Variants in LMLN observed in about 807,000 individuals in gnomAD.
LMLN encodes leishmanolysin-like peptidase.
LMLN carries 70 observed loss-of-function variants against 92.3 expected under a neutral mutation model. The observed-to-expected ratio is 0.76, with a 90% CI of 0.63 to 0.92. The LOEUF (loss-of-function observed/expected upper bound fraction) is 0.92. LMLN is among the 40% of genes least tolerant of loss of function. The pLI is 0.00. For synonymous variants in LMLN, 308 were observed against 296.2 expected, an observed-to-expected ratio of 1.04 and a Z score of -0.41; for missense variants, 691 against 814.6, an observed-to-expected ratio of 0.85 and a Z score of 1.85.
At chr3:197,970,222 G>C (rs1286018142) in intron 1 of LMLN, among the ~76,000 whole-genome samples, 1 of 152,034 alleles carries the variant, frequency 6.6e-6, no homozygotes, top group African/African-American at 2.4e-5. Flanking sequence ...TACAATTTTT[G>C]CTTTAAATAT....
At chr3:198,023,554 G>T (rs1722839028) in intron 13 of LMLN, among the ~76,000 whole-genome samples, 1 of 152,116 alleles carries the variant, frequency 6.6e-6, no homozygotes, top group Non-Finnish European at 1.5e-5. Context: ...AAGAAGTAAA[G>T]AATTCTGTTT....
exon 16 of LMLN, chr3:198,043,524 C>G (rs1038562206): frequency 5.9e-5 from 9 of 152,548 alleles, no homozygotes; most frequent in African/African-American, 2.2e-4. Flanking sequence ...GTTACTCATT[C>G]TGAAGAAAAG....
chr3:198,005,093 CATCTATACA>C lies in LMLN; in HGVS notation c.1232+5752_1232+5760del. Among the ~76,000 whole-genome samples, 6 of 11,302 alleles carry C rather than the reference CATCTATACA, an allele frequency of 5.3e-4. 3 individuals are homozygous for C. Among genetic ancestry groups the C allele is most frequent in the African/African-American group, 1.1e-3 (6 of 5,244 alleles). The allele number at this position is 11,302 out of a possible 152,430, so 7.4% of individuals were successfully genotyped here. On this transcript the variant is annotated intron_variant, in intron 11 of 15. Coordinates refer to ENST00000330198, the Ensembl canonical transcript of LMLN. ...GTAAGTTTGACATCTATCTATATAT[CATCTATACA>C]GATACATATCATACGTAGTAAGTTT...
intron 14 of LMLN, among the ~76,000 whole-genome samples, chr3:198,027,471 C>T (rs191578244): frequency 1.3e-5 from 2 of 152,040 alleles, no homozygotes; most frequent in Admixed American, 6.6e-5. Context: ...ACATTGCCAC[C>T]GAGCGTCTCA....
intron 9 of LMLN, among the ~76,000 whole-genome samples, chr3:197,993,693 T>C (rs1404776341): frequency 1.3e-5 from 2 of 152,060 alleles, no homozygotes; most frequent in Non-Finnish European, 2.9e-5. Flanking sequence ...GCTATCCCTA[T>C]CAAAATTCCA....
At chr3:198,027,497 C>T (rs1165811984) in intron 14 of LMLN, among the ~76,000 whole-genome samples, 1 of 152,118 alleles carries the variant, frequency 6.6e-6, no homozygotes, top group Non-Finnish European at 1.5e-5. Context: ...TCTGTACTCA[C>T]TAAACAATCC....
chr3:197,976,526 T>C (rs1721385973), intron 4 of LMLN, 72 bp from the exon 5 acceptor site: 3 of 789,564 alleles, frequency 3.8e-6, no homozygotes, highest in Admixed American at 2.5e-5. Flanking sequence ...TACCAGTTGG[T>C]TTCCATGTTT....
intron 11 of LMLN, 71 bp downstream of exon 11, chr3:197,999,413 G>T (rs573992456): frequency 9.3e-7 from 1 of 1,070,124 alleles, no homozygotes; most frequent in Non-Finnish European, 1.4e-6. Flanking sequence ...TATAGCTTAA[G>T]AAAATGCTGA....
intron 10 of LMLN, among the ~76,000 whole-genome samples, chr3:197,997,529 T>G (rs1722061204): frequency 6.6e-6 from 1 of 152,232 alleles, no homozygotes. Context: ...AGGGGTAAAG[T>G]GTACATAGAC....
At chr3:197,993,182 A>T (rs1371905622) in intron 9 of LMLN, among the ~76,000 whole-genome samples, 1 of 152,176 alleles carries the variant, frequency 6.6e-6, no homozygotes, top group Non-Finnish European at 1.5e-5. Context: ...TCTTATACTC[A>T]TTAGTGAAAA....
chr3:198,035,502 A>G (rs1723195420), intron 14 of LMLN, among the ~76,000 whole-genome samples: 2 of 151,280 alleles, frequency 1.3e-5, no homozygotes, highest in South Asian at 4.2e-4. Context: ...AGCTGGGACT[A>G]CAGGTGCATG....
chr3:197,960,258 T>C, exon 1 of LMLN: 9 of 1,611,942 alleles, frequency 5.6e-6, no homozygotes, highest in Non-Finnish European at 7.6e-6. Flanking sequence ...GGCGGCCGAA[T>C]GGGGCGGAGG....
In LMLN at chr3:197,990,685, T is replaced by C. The variant is rs753432753; in HGVS notation, c.1047+9T>C. ...TAACGCCTCGTGTTGTTGTAAGTAT[T>C]ATCAGACTTCATGTCTCATGAGCCA... On this transcript the variant is annotated intron_variant, in intron 9 of 15. Coordinates refer to ENST00000330198, the Ensembl canonical transcript of LMLN. 9 of 1,306,458 alleles carry C rather than the reference T, an allele frequency of 6.9e-6. No homozygotes were observed. The highest frequency in any genetic ancestry group is 1.0e-5 in the Non-Finnish European group (9 of 900,270). The allele number at this position is 1,306,458 out of a possible 1,614,324, so 80.9% of individuals were successfully genotyped here. A position where few individuals can be genotyped will look rare whatever the true frequency, so the allele number is the denominator to read the frequency against.
At chr3:198,012,365 G>A (rs926896009) in intron 11 of LMLN, among the ~76,000 whole-genome samples, 9 of 152,180 alleles carry the variant, frequency 5.9e-5, no homozygotes, top group Admixed American at 2.6e-4. Context: ...GTGTACATTC[G>A]GACGCTGGGT....
intron 11 of LMLN, among the ~76,000 whole-genome samples, chr3:198,003,698 A>G (rs987605243): frequency 3.8e-5 from 4 of 104,494 alleles, no homozygotes; most frequent in African/African-American, 2.2e-4. Context: ...TATATCATCT[A>G]TACAGATACA....
intron 14 of LMLN, among the ~76,000 whole-genome samples, chr3:198,030,005 G>C (rs1237697215): frequency 6.6e-6 from 1 of 151,868 alleles, no homozygotes; most frequent in Non-Finnish European, 1.5e-5. Context: ...ACCATGCCTA[G>C]CTGTTTTTTT....
In LMLN at chr3:198,005,591, A is replaced by T. The variant is rs569905210; in HGVS notation, c.1232+6249A>T. Among the ~76,000 whole-genome samples, 77 of 151,956 alleles carry T rather than the reference A, an allele frequency of 5.1e-4. 1 individual carries two copies. Among genetic ancestry groups the T allele is most frequent in the African/African-American group, 1.8e-3 (76 of 41,494 alleles). On this transcript the variant is annotated intron_variant, in intron 11 of 15. Transcript: ENST00000330198. The stretch of plus-strand genomic sequence containing the variant: ...AGAAAAGTGCCCATGTTCAGTACAG[A>T]TGCAACCATCATTTTTTCCCTGAAT...
intron 1 of LMLN, among the ~76,000 whole-genome samples, chr3:197,971,944 C>CTTTTTTTTTTTTTTTTTTTTTTTTTGTTT (rs756710031): frequency 7.4e-5 from 6 of 81,214 alleles, no homozygotes; most frequent in East Asian, 4.2e-4. Flanking sequence ...AGTCTCTGTT[C>CTTTTTTTTTTTTTTTTTTTTTTTTTGTTT]TTTTTTTTTT....
chr3:197,960,530 C>T (rs1376644815), intron 1 of LMLN, 90 bp downstream of exon 1: 20 of 1,288,490 alleles, frequency 1.6e-5, no homozygotes, highest in Non-Finnish European at 1.9e-5. Flanking sequence ...AGAAGGTGTC[C>T]TGGATGAGAA....
Sources: allele counts gnomAD v4.1 joint callset (sites outside exome capture counted in the v4.1 genomes callset), GRCh38; gene constraint gnomAD v4.1.1; transcripts MANE v1.5; gene names NCBI Gene and HGNC (gene_info 2026-07-23, HGNC 2026-07-21).